The following LDLRAD3 variants were observed in gnomAD, a reference collection of about 807,000 sequenced individuals.
LDLRAD3 encodes the protein low density lipoprotein receptor class A domain containing 3, also known as low-density lipoprotein receptor class A domain-containing protein 3.
A neutral mutation model predicts 29.4 loss-of-function variants in LDLRAD3; 20 were observed. That is an observed-to-expected ratio of 0.68 (90% confidence interval 0.48 to 0.99). LDLRAD3 has a LOEUF of 0.99. LDLRAD3 is among the 50% of genes least tolerant of loss of function. LDLRAD3 has a pLI of 0.00. For missense variants in LDLRAD3, 420 were observed against 454.3 expected, an observed-to-expected ratio of 0.92 and a Z score of 0.69; for synonymous variants, 157 against 192.7, an observed-to-expected ratio of 0.81 and a Z score of 1.53.
rs564761886 is a variant in LDLRAD3, at chr11:35,956,896, C to T, written c.46+12752C>T. The stretch of plus-strand genomic sequence containing the variant: ...GACTACAGGCGCCCGCCACTACGCC[C>T]GGCTAATTTTTTGTATTTTCAGTAG... On this transcript the variant is annotated intron_variant, in intron 1 of 5. Coordinates refer to ENST00000315571, the MANE Select transcript of LDLRAD3 (RefSeq NM_174902.4). 2.6e-4 allele frequency among the ~76,000 whole-genome samples: 39 copies of T among 152,070 alleles called. 1 individual carries two copies. Among genetic ancestry groups the T allele is most frequent in the African/African-American group, 6.3e-4 (26 of 41,408 alleles).
At chr11:35,986,394 A>C (rs1442614337) in intron 1 of LDLRAD3, among the ~76,000 whole-genome samples, 5 of 152,252 alleles carry the variant, frequency 3.3e-5, no homozygotes, top group African/African-American at 1.2e-4. Context: ...TTCAGGCTCC[A>C]AGAATTAATG....
intron 1 of LDLRAD3, among the ~76,000 whole-genome samples, chr11:36,007,180 G>A (rs1335785161): frequency 1.3e-5 from 2 of 152,184 alleles, no homozygotes; most frequent in Admixed American, 6.5e-5. Flanking sequence ...AGAAAGCTCC[G>A]AGTAAGTGGA....
At chr11:36,201,469 TG>T (rs1855125887) in intron 4 of LDLRAD3, among the ~76,000 whole-genome samples, 1 of 152,230 alleles carries the variant, frequency 6.6e-6, no homozygotes, top group Non-Finnish European at 1.5e-5. Context: ...TGGGGTTTTT[TG>T]TATCTTTTAA....
chr11:36,176,444 G>T (rs1197863037), intron 4 of LDLRAD3, among the ~76,000 whole-genome samples: 2 of 150,188 alleles, frequency 1.3e-5, no homozygotes, highest in Admixed American at 6.6e-5. Flanking sequence ...CTATTTTGGT[G>T]TATTTCAAGG....
intron 2 of LDLRAD3, among the ~76,000 whole-genome samples, chr11:36,074,471 T>C (rs1156788477): frequency 6.6e-6 from 1 of 152,168 alleles, no homozygotes; most frequent in Non-Finnish European, 1.5e-5. Context: ...GCAAAGGCCC[T>C]GAGGTGGGAA....
chr11:36,100,089 G>T (rs1193146363), intron 4 of LDLRAD3, among the ~76,000 whole-genome samples: 3 of 152,024 alleles, frequency 2.0e-5, no homozygotes, highest in Non-Finnish European at 4.4e-5. Flanking sequence ...AAATGCAGTT[G>T]TTCAGGCCCC....
At chr11:36,132,694 T>A (rs1853943466) in intron 4 of LDLRAD3, among the ~76,000 whole-genome samples, 1 of 152,220 alleles carries the variant, frequency 6.6e-6, no homozygotes, top group Non-Finnish European at 1.5e-5. Context: ...CATACATCAC[T>A]TTTGAGCGCC....
intron 4 of LDLRAD3, among the ~76,000 whole-genome samples, chr11:36,112,906 T>C (rs1590277458): frequency 1.3e-5 from 2 of 152,326 alleles, no homozygotes; most frequent in East Asian, 1.9e-4. Context: ...CTCTGTCTTC[T>C]AGAGTATGCC....
At chr11:36,186,089 A>G (rs1317952153) in intron 4 of LDLRAD3, among the ~76,000 whole-genome samples, 1 of 152,184 alleles carries the variant, frequency 6.6e-6, no homozygotes, top group Non-Finnish European at 1.5e-5. Context: ...CCTTGCAGAT[A>G]AAAACAGACC....
In LDLRAD3 at chr11:36,130,337, C is replaced by T. The variant is rs192694833; in HGVS notation, c.454+31876C>T. 2.5e-4 allele frequency among the ~76,000 whole-genome samples: 38 copies of T among 152,260 alleles called. 1 individual carries two copies. In the South Asian group the frequency reaches 7.7e-3, roughly 31 times the overall value. On this transcript the variant is annotated intron_variant, in intron 4 of 5. Coordinates refer to ENST00000315571, the MANE Select transcript of LDLRAD3 (RefSeq NM_174902.4). ...AGAGAATGGGGCTGACGGGATAGAA[C>T]TCACAAATGAAGTGTGCAGAGGCTT...
chr11:36,180,313 A>AC (rs58296034), intron 4 of LDLRAD3, among the ~76,000 whole-genome samples: 68,890 of 151,476 alleles, frequency 0.45, 16,359 homozygotes, highest in South Asian at 0.52. Flanking sequence ...TTCTTAGAAC[A>AC]CCTTTCTGTT....
intron 4 of LDLRAD3, among the ~76,000 whole-genome samples, chr11:36,105,497 T>C (rs1853516270): frequency 6.6e-6 from 1 of 152,024 alleles, no homozygotes; most frequent in African/African-American, 2.4e-5. Flanking sequence ...TATTTGGAAA[T>C]AGGGTCATTG....
At chr11:36,102,475 C>T (rs995085821) in intron 4 of LDLRAD3, among the ~76,000 whole-genome samples, 2 of 150,848 alleles carry the variant, frequency 1.3e-5, no homozygotes, top group African/African-American at 2.4e-5. Flanking sequence ...ACTTTAGCAA[C>T]ACCAGTTTAT....
chr11:36,199,511 C>G (rs1855086174), intron 4 of LDLRAD3, among the ~76,000 whole-genome samples: 1 of 152,166 alleles, frequency 6.6e-6, no homozygotes, highest in South Asian at 2.1e-4. Context: ...TCGAAGACAT[C>G]TCTCAATGAG....
Position 36,098,430 on chromosome 11 carries a change from C to G in LDLRAD3, c.423C>G (p.Asn141Lys). Residue 141 changes from asparagine to lysine, a missense_variant, in exon 4 of 6, where the codon AAC becomes AAG. Physicochemically the swap from Asn to Lys is moderately conservative, Grantham distance 94. Transcript: ENST00000315571. Reference protein sequence around the residue: ...ICDGQNNCQDNSDEESCESSQ... With the variant: ...ICDGQNNCQDKSDEESCESSQ... ...ATGGACAGAATAACTGTCAAGACAACAGTGATGAGGAAAGCTGTGAAAGTT... is the reference window on the plus strand; with the variant it reads ...ATGGACAGAATAACTGTCAAGACAAGAGTGATGAGGAAAGCTGTGAAAGTT... 6.2e-7 allele frequency: 1 copy of G among 1,614,186 alleles called. No individual in the cohort carries two copies. The highest frequency in any genetic ancestry group is 8.5e-7 in the Non-Finnish European group (1 of 1,180,022).
intron 2 of LDLRAD3, among the ~76,000 whole-genome samples, chr11:36,049,981 A>G (rs1409006098): frequency 5.9e-5 from 9 of 152,212 alleles, no homozygotes; most frequent in Admixed American, 5.9e-4. Context: ...CTGCTCTTTC[A>G]GGATCTAGCA....
At chr11:36,136,699 T>TC (rs1409112923) in intron 4 of LDLRAD3, among the ~76,000 whole-genome samples, 4 of 125,192 alleles carry the variant, frequency 3.2e-5, no homozygotes, top group African/African-American at 1.1e-4. Context: ...ACTAATCCTC[T>TC]TTTTTTTTTT....
intron 2 of LDLRAD3, among the ~76,000 whole-genome samples, chr11:36,064,373 G>T (rs935963447): frequency 1.3e-5 from 2 of 151,904 alleles, no homozygotes; most frequent in African/African-American, 4.8e-5. Flanking sequence ...GCAGTGGTGT[G>T]ATCACAGCTC....
intron 2 of LDLRAD3, among the ~76,000 whole-genome samples, chr11:36,043,531 G>T (rs1590222929): frequency 6.6e-6 from 1 of 152,204 alleles, no homozygotes; most frequent in African/African-American, 2.4e-5. Context: ...GGAAATGGGG[G>T]TCCTTGTGGA....
Sources: allele counts gnomAD v4.1 joint callset (sites outside exome capture counted in the v4.1 genomes callset), GRCh38; gene constraint gnomAD v4.1.1; transcripts MANE v1.5; gene names NCBI Gene and HGNC (gene_info 2026-07-23, HGNC 2026-07-21).